The following DOCK10 variants were observed in gnomAD, a reference collection of about 807,000 sequenced individuals.
DOCK10 encodes the protein dedicator of cytokinesis 10, also known as dedicator of cytokinesis protein 10.
A neutral mutation model predicts 280.1 loss-of-function variants in DOCK10; 145 were observed. That is an observed-to-expected ratio of 0.52 (90% CI 0.45 to 0.59). The LOEUF is 0.59. Ranked by LOEUF, DOCK10 falls within the 20% of genes least tolerant of loss-of-function variation. The pLI is 0.00. For synonymous variants in DOCK10, 915 were observed against 942.2 expected, an observed-to-expected ratio of 0.97 and a Z score of 0.53; for missense variants, 2,368 against 2,651.7, an observed-to-expected ratio of 0.89 and a Z score of 2.35.
chr2:224,878,108 T>G (rs1206587829), intron 7 of DOCK10, among the ~76,000 whole-genome samples: 2 of 152,208 alleles, frequency 1.3e-5, no homozygotes, highest in East Asian at 1.9e-4. Flanking sequence ...GATTGCTATT[T>G]CTTGGTGACA....
At chr2:225,007,942 T>G (rs1689320971) in intron 1 of DOCK10, among the ~76,000 whole-genome samples, 1 of 151,922 alleles carries the variant, frequency 6.6e-6, no homozygotes, top group African/African-American at 2.4e-5. Flanking sequence ...TAAGAAATGC[T>G]GCTATCATCT....
intron 45 of DOCK10, among the ~76,000 whole-genome samples, chr2:224,794,207 A>G (rs187970219): frequency 1.3e-5 from 2 of 152,362 alleles, no homozygotes; most frequent in Admixed American, 6.5e-5. Flanking sequence ...ACATGTGTTT[A>G]GAAGAGCTTC....
chr2:224,821,644 G>A, intron 28 of DOCK10, among the ~76,000 whole-genome samples: 1 of 151,940 alleles, frequency 6.6e-6, no homozygotes, highest in East Asian at 1.9e-4. Flanking sequence ...TAACTATGAG[G>A]TCTTTTCCCT....
intron 24 of DOCK10, 145 bp downstream of exon 24, chr2:224,839,806 AAGG>A (rs1434172817): frequency 2.3e-6 from 1 of 429,366 alleles, no homozygotes; most frequent in East Asian, 3.4e-5. Context: ...ATTAGAAGGT[AAGG>A]AGTCAAGAGT....
intron 1 of DOCK10, among the ~76,000 whole-genome samples, chr2:225,022,709 A>G (rs1229122719): frequency 1.3e-5 from 2 of 152,250 alleles, no homozygotes; most frequent in Non-Finnish European, 2.9e-5. Context: ...AATGCACTGT[A>G]TAACTCAGTT....
intron 2 of DOCK10, among the ~76,000 whole-genome samples, chr2:224,920,915 T>G (rs1375639261): frequency 6.6e-6 from 1 of 150,586 alleles, no homozygotes; most frequent in Non-Finnish European, 1.5e-5. Context: ...GTTCCATCTA[T>G]GTAGTAAACT....
chr2:224,997,204 CCCTTCCCTCCCTCCCTT>C (rs1231167195), intron 1 of DOCK10, among the ~76,000 whole-genome samples: 1 of 139,206 alleles, frequency 7.2e-6, no homozygotes, highest in Non-Finnish European at 1.6e-5. Flanking sequence ...CTCCCTCCCT[CCCTTCCCTCCCTCCCTT>C]CCTTCCTTCC....
rs147177334 is a variant in DOCK10 at position 224,767,965 on chromosome 2, G to A, written c.6445-2128C>T. 5.7e-3 allele frequency among the ~76,000 whole-genome samples: 860 copies of A among 150,846 alleles called. 10 individuals are homozygous for A. Among genetic ancestry groups the A allele is most frequent in the African/African-American group, 0.019 (785 of 41,016 alleles). The stretch of plus-strand genomic sequence containing the variant: ...TTTTGCTCTTGTCTCCCAGGCTGGA[G>A]TGCAGTGGTGTGATCTTGGTTTACT... On this transcript the variant is annotated intron_variant, in intron 55 of 55. Coordinates refer to ENST00000258390, the MANE Select transcript of DOCK10 (RefSeq NM_014689.3).
intron 27 of DOCK10, among the ~76,000 whole-genome samples, chr2:224,826,184 C>A: frequency 6.6e-6 from 1 of 152,168 alleles, no homozygotes; most frequent in South Asian, 2.1e-4. Flanking sequence ...GTGCCTCAGC[C>A]TCCTGAGTAG....
At chr2:224,932,611 G>A (rs1006064122) in intron 1 of DOCK10, among the ~76,000 whole-genome samples, 20 of 152,168 alleles carry the variant, frequency 1.3e-4, no homozygotes, top group Admixed American at 9.8e-4. Context: ...AGAAGCTTGA[G>A]TGGTTCCTAC....
intron 52 of DOCK10, among the ~76,000 whole-genome samples, chr2:224,774,466 G>A (rs1690682967): frequency 6.6e-6 from 1 of 152,238 alleles, no homozygotes; most frequent in Admixed American, 6.5e-5. Flanking sequence ...GATCTAGAGA[G>A]CACATCGAGG....
chr2:224,851,342 C>T (rs1696718775), intron 18 of DOCK10, among the ~76,000 whole-genome samples: 3 of 151,954 alleles, frequency 2.0e-5, no homozygotes. Context: ...CTGATCATTG[C>T]CTCTGTTTGC....
At chr2:225,008,803 A>G (rs1689349138) in intron 1 of DOCK10, among the ~76,000 whole-genome samples, 1 of 152,158 alleles carries the variant, frequency 6.6e-6, no homozygotes, top group Middle Eastern at 3.2e-3. Context: ...ACTCTATCCA[A>G]TGCTCCACTA....
chr2:224,911,348 T>C (rs1282914499), intron 3 of DOCK10, among the ~76,000 whole-genome samples: 1 of 152,136 alleles, frequency 6.6e-6, no homozygotes, highest in Non-Finnish European at 1.5e-5. Flanking sequence ...AAAAGATCTA[T>C]CTGGACATTT....
intron 1 of DOCK10, among the ~76,000 whole-genome samples, chr2:224,998,883 T>C (rs1452858020): frequency 6.6e-6 from 1 of 152,168 alleles, no homozygotes; most frequent in East Asian, 1.9e-4. Context: ...TATGAAAGTG[T>C]TGCTCTTAAA....
rs1375455577 is a variant in DOCK10 at position 224,886,052 on chromosome 2, T to C, written c.612+11A>G. 1.9e-6 allele frequency: 3 copies of C among 1,613,700 alleles called. No homozygotes were observed. The highest frequency in any genetic ancestry group is 2.5e-6 in the Non-Finnish European group (3 of 1,179,840). On this transcript the variant is annotated intron_variant, in intron 6 of 55. Coordinates refer to ENST00000258390, the MANE Select transcript of DOCK10 (RefSeq NM_014689.3). ...TGACAGAGATAAAGATGAGTCTTGA[T>C]ATCTCCTTACCCGAACAGTAACGGT...
intron 1 of DOCK10, among the ~76,000 whole-genome samples, chr2:225,041,625 A>G (rs972102603): frequency 2.0e-5 from 3 of 152,204 alleles, no homozygotes; most frequent in African/African-American, 7.2e-5. Flanking sequence ...TGGAGACCTA[A>G]TGACCCACGT....
At chr2:224,917,042 G>C (rs1701369160) in intron 2 of DOCK10, among the ~76,000 whole-genome samples, 1 of 147,076 alleles carries the variant, frequency 6.8e-6, no homozygotes. Flanking sequence ...TTCCCCCTTT[G>C]CAGAAAACAA....
intron 1 of DOCK10, among the ~76,000 whole-genome samples, chr2:225,006,125 AT>A (rs1689240769): frequency 6.6e-6 from 1 of 152,212 alleles, no homozygotes; most frequent in African/African-American, 2.4e-5. Flanking sequence ...TATTTTAAAT[AT>A]TTGACCAATA....
Sources: gnomAD v4.1 joint callset for allele counts (sites outside exome capture counted in the v4.1 genomes callset) on GRCh38, gnomAD v4.1.1 for gene constraint, MANE v1.5 for transcripts, NCBI Gene and HGNC (gene_info 2026-07-23, HGNC 2026-07-21) for gene names.